The following LRRC37A2 variants were observed in gnomAD, a reference collection of about 807,000 sequenced individuals.
LRRC37A2 encodes leucine rich repeat containing 37 member A2, also known as leucine-rich repeat-containing protein 37A2.
LRRC37A2 carries 9 observed loss-of-function variants against 68.8 expected under a neutral mutation model. The observed-to-expected ratio is 0.13, with a 90% CI of 0.08 to 0.23. The LOEUF is 0.23. Among genes scored for constraint, LRRC37A2 ranks in the 10% least tolerant of loss-of-function variants. LRRC37A2 has a pLI of 1.00. For synonymous variants in LRRC37A2, 63 were observed against 367.6 expected (o/e 0.17, Z 9.48); for missense variants, 168 against 950.4 (o/e 0.18, Z 10.82).
At chr17:46,676,233 CTT>C in the LRRC37A2 span, among the ~76,000 whole-genome samples, 28 of 135,584 alleles carry the variant, frequency 2.1e-4, no homozygotes, top group Non-Finnish European at 1.9e-4. Flanking sequence ...AATTCTTCTT[CTT>C]TTTTTTTTTT....
At chr17:46,713,233 T>C in the LRRC37A2 span, 2 of 152,270 alleles carry the variant, frequency 1.3e-5, no homozygotes, top group Admixed American at 6.5e-5. Context: ...GTCGAACATA[T>C]GGGAGAAAGG....
chr17:46,842,897 A>C, the LRRC37A2 span, among the ~76,000 whole-genome samples: 7 of 152,252 alleles, frequency 4.6e-5, no homozygotes, highest in South Asian at 1.4e-3. Context: ...TTCTGTGAGG[A>C]AGGTGGACAG....
At chr17:46,490,730 A>G in the LRRC37A2 span, among the ~76,000 whole-genome samples, 1 of 150,232 alleles carries the variant, frequency 6.7e-6, no homozygotes. Flanking sequence ...TCTCAAAAAA[A>G]AAAAAAAAAC....
At chr17:46,823,115 T>TATATAATAAACAC in the LRRC37A2 span, among the ~76,000 whole-genome samples, 6 of 97,422 alleles carry the variant, frequency 6.2e-5, no homozygotes, top group East Asian at 4.5e-4. Context: ...ACACATATAT[T>TATATAATAAACAC]ATATATTATA....
chr17:46,775,079 G>GT, the LRRC37A2 span, among the ~76,000 whole-genome samples: 3 of 152,334 alleles, frequency 2.0e-5, no homozygotes, highest in East Asian at 3.9e-4. Context: ...GCAGGGTGAG[G>GT]TTTTTTGTGT....
chr17:46,615,727 A>T, the LRRC37A2 span, among the ~76,000 whole-genome samples: 2 of 49,986 alleles, frequency 4.0e-5, no homozygotes, highest in African/African-American at 1.0e-4. Context: ...ACAAAAAAAA[A>T]AAAAATGCTG....
At chr17:46,876,556 G>A in the LRRC37A2 span, 3 of 1,613,548 alleles carry the variant, frequency 1.9e-6, no homozygotes, top group African/African-American at 4.0e-5. Flanking sequence ...CAGGTAGGGT[G>A]TGCTCCCGGG....
chr17:46,708,208 C>T, the LRRC37A2 span, among the ~76,000 whole-genome samples: 1 of 152,076 alleles, frequency 6.6e-6, no homozygotes, highest in Non-Finnish European at 1.5e-5. Flanking sequence ...GGTATATACT[C>T]AGAAGTGGAA....
the LRRC37A2 span, among the ~76,000 whole-genome samples, chr17:46,942,502 G>T: frequency 2.6e-5 from 4 of 152,246 alleles, no homozygotes; most frequent in East Asian, 5.8e-4. Context: ...CACACTTCTC[G>T]TGGGGTGCTC....
chr17:46,745,921 GTAT>G, the LRRC37A2 span, among the ~76,000 whole-genome samples: 9 of 152,222 alleles, frequency 5.9e-5, no homozygotes, highest in African/African-American at 2.2e-4. Context: ...TTGGACTTAG[GTAT>G]TTCTGTTCCT....
the LRRC37A2 span, among the ~76,000 whole-genome samples, chr17:46,827,625 G>C: frequency 6.6e-6 from 1 of 152,140 alleles, no homozygotes; most frequent in Non-Finnish European, 1.5e-5. Context: ...TAGCCCACTT[G>C]AGGCTGTTAC....
chr17:46,747,571 G>A, the LRRC37A2 span, among the ~76,000 whole-genome samples: 1 of 152,010 alleles, frequency 6.6e-6, no homozygotes, highest in African/African-American at 2.4e-5. Context: ...TGAGCCACCG[G>A]CCTCAGAGAT....
chr17:46,684,342 C>T, the LRRC37A2 span, among the ~76,000 whole-genome samples: 1 of 144,350 alleles, frequency 6.9e-6, no homozygotes, highest in Non-Finnish European at 1.5e-5. Flanking sequence ...TTCCATGTGC[C>T]ACGTTTTCTT....
chr17:46,690,620 A>AAAAG, the LRRC37A2 span, among the ~76,000 whole-genome samples: 1 of 110,676 alleles, frequency 9.0e-6, no homozygotes, highest in Non-Finnish European at 2.0e-5. Flanking sequence ...TCAAAAAAAA[A>AAAAG]AAAAATATAT....
At chr17:46,688,047 ATAAG>A in the LRRC37A2 span, among the ~76,000 whole-genome samples, 1 of 112,362 alleles carries the variant, frequency 8.9e-6, no homozygotes, top group Non-Finnish European at 1.8e-5. Context: ...GATATTATAA[ATAAG>A]AGTAAAGTAG....
At chr17:46,778,461 A>G in the LRRC37A2 span, among the ~76,000 whole-genome samples, 1 of 152,286 alleles carries the variant, frequency 6.6e-6, no homozygotes, top group African/African-American at 2.4e-5. Context: ...GTCGGAGACT[A>G]AAGAGGCTGT....
chr17:46,894,503 C>G, the LRRC37A2 span, among the ~76,000 whole-genome samples: 1 of 152,214 alleles, frequency 6.6e-6, no homozygotes, highest in Non-Finnish European at 1.5e-5. Flanking sequence ...TTAGGCTTGC[C>G]CCGACCCTAC....
chr17:47,002,388 A>T, the LRRC37A2 span, among the ~76,000 whole-genome samples: 3,243 of 140,260 alleles, frequency 0.023, 120 homozygotes, highest in African/African-American at 0.078. Flanking sequence ...TTTTATTTTT[A>T]TTTTTTTTTT....
the LRRC37A2 span, among the ~76,000 whole-genome samples, chr17:47,007,173 TTTTC>T: frequency 6.8e-3 from 1,037 of 152,272 alleles, 7 homozygotes; most frequent in African/African-American, 0.024. Flanking sequence ...TCTTTCTTTT[TTTTC>T]TTTCTCTTTT....
Sources: allele counts gnomAD v4.1 joint callset (sites outside exome capture counted in the v4.1 genomes callset), GRCh38; gene constraint gnomAD v4.1.1; transcripts MANE v1.5; gene names NCBI Gene and HGNC (gene_info 2026-07-23, HGNC 2026-07-21).